UPRT: variants seen among roughly 807,000 people sequenced by gnomAD.
The protein encoded by UPRT is uracil phosphoribosyltransferase homolog.
Under a neutral mutation model 22.6 loss-of-function variants are expected in UPRT, and 5 were observed. That is an observed-to-expected ratio of 0.22 (90% confidence interval 0.12 to 0.47). The LOEUF is 0.47. UPRT is among the 20% of genes least tolerant of loss of function. The pLI is 0.99. For synonymous variants in UPRT, 77 were observed against 87.7 expected, an observed-to-expected ratio of 0.88 and a Z score of 0.68; for missense variants, 181 against 239.9, an observed-to-expected ratio of 0.75 and a Z score of 1.62.
At chrX:75,189,531 G>T (rs10126770) in intron 4 of UPRT, among the ~76,000 whole-genome samples, 3,148 of 111,366 alleles carry the variant, frequency 0.028, 114 homozygotes, top group African/African-American at 0.098. Flanking sequence ...AATTCCTGGA[G>T]ATCCTTGTTA....
At chrX:75,236,464 G>T (rs1254974090) in intron 4 of UPRT, among the ~76,000 whole-genome samples, 1 of 111,246 alleles carries the variant, frequency 9.0e-6, no homozygotes, top group Non-Finnish European at 1.9e-5. Context: ...AGTTCATATG[G>T]AACCAAAAAG....
chrX:75,177,160 GA>G (rs763438412), intron 4 of UPRT, among the ~76,000 whole-genome samples: 272 of 110,868 alleles, frequency 2.5e-3, no homozygotes, highest in African/African-American at 8.4e-3. Context: ...CACAGCAGCA[GA>G]AACAACCCCT....
At chrX:75,230,921 A>G (rs746601217) in intron 4 of UPRT, among the ~76,000 whole-genome samples, 6 of 112,267 alleles carry the variant, frequency 5.3e-5, no homozygotes, top group Admixed American at 9.4e-5. Context: ...ACATCAATGA[A>G]TCACCCTATG....
chrX:75,206,579 A>G (rs967100415), intron 4 of UPRT, among the ~76,000 whole-genome samples: 2 of 110,637 alleles, frequency 1.8e-5, no homozygotes, highest in Non-Finnish European at 3.8e-5. Context: ...AGGTAGAACT[A>G]TTTTCCTTCC....
chrX:75,240,526 T>C (rs139511454), intron 4 of UPRT, among the ~76,000 whole-genome samples: 2,416 of 111,831 alleles, frequency 0.022, 72 homozygotes, highest in African/African-American at 0.074. Context: ...ATAAATTCAA[T>C]GCAATTCCCA....
chrX:75,244,732 A>T (rs1473971640), intron 4 of UPRT, among the ~76,000 whole-genome samples: 4 of 111,360 alleles, frequency 3.6e-5, no homozygotes, highest in African/African-American at 1.3e-4. Flanking sequence ...GCGGAAGATT[A>T]AAACTGGGCC....
At chrX:75,205,734 T>C (rs2082364039) in intron 4 of UPRT, among the ~76,000 whole-genome samples, 1 of 110,024 alleles carries the variant, frequency 9.1e-6, no homozygotes, top group Non-Finnish European at 1.9e-5. Flanking sequence ...CAGGGAGGAG[T>C]GTTTGGAGGA....
chrX:75,293,218 C>T (rs1052214245), intron 1 of UPRT, among the ~76,000 whole-genome samples: 1 of 111,028 alleles, frequency 9.0e-6, no homozygotes, highest in Non-Finnish European at 1.9e-5. Context: ...TTGGGCAGCT[C>T]AGTGGGGGAC....
intron 4 of UPRT, among the ~76,000 whole-genome samples, chrX:75,185,861 G>T (rs1019606693): frequency 4.5e-5 from 5 of 111,014 alleles, no homozygotes; most frequent in African/African-American, 1.6e-4. Context: ...TGGGATTGGT[G>T]GTGATATCCC....
intron 4 of UPRT, among the ~76,000 whole-genome samples, chrX:75,174,396 C>T (rs1336050702): frequency 2.7e-5 from 3 of 111,390 alleles, no homozygotes; most frequent in African/African-American, 9.8e-5. Flanking sequence ...AGCTTGATGG[C>T]CTCGATTCTA....
chrX:75,235,661 G>A (rs1021501836), intron 4 of UPRT, among the ~76,000 whole-genome samples: 72 of 111,920 alleles, frequency 6.4e-4, no homozygotes, highest in African/African-American at 2.3e-3. Flanking sequence ...ATCAATAAAT[G>A]TAATCCAGCA....
intron 1 of UPRT, among the ~76,000 whole-genome samples, chrX:75,289,054 T>C (rs1298549650): frequency 4.5e-5 from 5 of 111,089 alleles, no homozygotes; most frequent in Non-Finnish European, 9.4e-5. Flanking sequence ...ATATTCAAGC[T>C]GAGAGCCAAA....
chrX:75,237,240 C>T (rs1480884273), intron 4 of UPRT, among the ~76,000 whole-genome samples: 2 of 111,856 alleles, frequency 1.8e-5, no homozygotes, highest in African/African-American at 3.3e-5. Flanking sequence ...AAATCAAAAC[C>T]ACAATGAGAT....
chrX:75,218,977 A>T (rs1215179025), intron 4 of UPRT, among the ~76,000 whole-genome samples: 2 of 110,999 alleles, frequency 1.8e-5, no homozygotes, highest in Admixed American at 9.6e-5. Flanking sequence ...GGCATGACAC[A>T]TGTATACATA....
chrX:75,274,727 G>C (rs1477850668), intron 1 of UPRT, 87 bp downstream of exon 1: 3 of 1,054,391 alleles, frequency 2.8e-6, no homozygotes, highest in Admixed American at 3.6e-5. Context: ...AAGAGACAGT[G>C]TTCTTGGCCT....
intron 4 of UPRT, among the ~76,000 whole-genome samples, chrX:75,264,786 G>A (rs956742524): frequency 1.8e-4 from 20 of 111,598 alleles, no homozygotes; most frequent in African/African-American, 3.9e-4. Flanking sequence ...TCCCAGCCTC[G>A]ATGGTCTCTA....
rs768493645 is a variant in UPRT at position 75,203,131 on chromosome X, AG to A, written c.-447+35253del. ...ACCAAGCAAATGGAAAGCAGAAAAA[AG>A]CAGGGGTTGCAATCCTAGTTTCTGA... On this transcript the variant is annotated intron_variant, in intron 4 of 13. Transcript: ENST00000652605. Among the ~76,000 whole-genome samples the A allele has an allele frequency of 5.6e-3, 625 of 111,891 alleles. 4 individuals carry two copies. The highest frequency in any genetic ancestry group is 0.019 in the African/African-American group (588 of 30,805).
chrX:75,179,668 A>T (rs1295316146), intron 4 of UPRT, among the ~76,000 whole-genome samples: 1 of 113,338 alleles, frequency 8.8e-6, no homozygotes, highest in East Asian at 2.8e-4. Context: ...GCCCCACGGG[A>T]AGGCAGCTAA....
chrX:75,296,118 G>T (rs2082725015), intron 2 of UPRT, among the ~76,000 whole-genome samples: 1 of 111,306 alleles, frequency 9.0e-6, no homozygotes, highest in Non-Finnish European at 1.9e-5. Flanking sequence ...GGAGCCTTTT[G>T]GTGACAATCA....
Sources: gnomAD v4.1 joint callset for allele counts (sites outside exome capture counted in the v4.1 genomes callset) on GRCh38, gnomAD v4.1.1 for gene constraint, MANE v1.5 for transcripts, NCBI Gene and HGNC (gene_info 2026-07-23, HGNC 2026-07-21) for gene names.